VAPB: variants seen among roughly 807,000 people sequenced by gnomAD.
VAPB encodes the protein VAMP associated protein B and C, also known as vesicle-associated membrane protein-associated protein B/C.
VAPB carries 7 observed loss-of-function variants against 25.6 expected under a neutral mutation model. The ratio of observed to expected loss-of-function variants is 0.27; its 90% CI spans 0.16 to 0.51. The LOEUF (loss-of-function observed/expected upper bound fraction) is 0.51, where lower values mean the gene tolerates loss of function less well. Among genes scored for constraint, VAPB ranks in the 20% least tolerant of loss-of-function variants. VAPB has a pLI of 0.97. For missense variants in VAPB, 266 were observed against 301.3 expected, an observed-to-expected ratio of 0.88 and a Z score of 0.87; for synonymous variants, 112 against 109.2, an observed-to-expected ratio of 1.03 and a Z score of -0.16.
chr20:58,436,809 C>G (rs1252465458), intron 3 of VAPB, among the ~76,000 whole-genome samples: 1 of 152,004 alleles, frequency 6.6e-6, no homozygotes, highest in Non-Finnish European at 1.5e-5. Context: ...TGACACTTCA[C>G]CCCTAAATGC....
rs1394754757 is a variant in VAPB, at chr20:58,449,351, CATG to C, written c.*5118_*5120del. 4.4e-6 allele frequency: 2 copies of C among 452,594 alleles called. No homozygotes were observed. The highest frequency in any genetic ancestry group is 8.8e-6 in the Non-Finnish European group (2 of 226,490). The allele number at this position is 452,594 out of a possible 1,614,324, so 28.0% of individuals were successfully genotyped here. On this transcript the variant is annotated 3_prime_UTR_variant, in exon 6 of 6. Coordinates refer to ENST00000475243, the MANE Select transcript of VAPB (RefSeq NM_004738.5). ...GAGATATTTTGAAAAATTTAAAAGA[CATG>C]AACTCACATAAACAGTTATGGATGA... is the stretch of plus-strand genomic sequence containing the variant.
chr20:58,429,068 A>G (rs187941823), intron 2 of VAPB, among the ~76,000 whole-genome samples: 37 of 152,322 alleles, frequency 2.4e-4, no homozygotes, highest in Non-Finnish European at 4.3e-4. Context: ...GTAGGCGTGT[A>G]AATGCGAAGA....
At chr20:58,394,066 CT>C (rs1230569186) in intron 1 of VAPB, among the ~76,000 whole-genome samples, 1 of 152,194 alleles carries the variant, frequency 6.6e-6, no homozygotes, top group African/African-American at 2.4e-5. Flanking sequence ...GATGCATTTA[CT>C]TTTGCTTTAT....
chr20:58,389,833 G>A (rs1987745339), intron 1 of VAPB, among the ~76,000 whole-genome samples: 1 of 152,174 alleles, frequency 6.6e-6, no homozygotes, highest in East Asian at 1.9e-4. Context: ...GTGAGCCTCC[G>A]CCGCTGCCTT....
Position 58,450,530 on chromosome 20 carries a change from T to C in VAPB, c.*6295T>C, listed in dbSNP as rs1275570396. ...TCCTTTTTAAAGACGATTTATCAAC[T>C]GCTGCCATTTGGAACTTCCTATAAG... On this transcript the variant is annotated 3_prime_UTR_variant, in exon 6 of 6. Coordinates refer to ENST00000475243, the MANE Select transcript of VAPB (RefSeq NM_004738.5). 2.2e-6 allele frequency: 1 copy of C among 453,258 alleles called. No individual in the cohort carries two copies. The highest frequency in any genetic ancestry group is 4.4e-6 in the Non-Finnish European group (1 of 226,650). The allele number at this position is 453,258 out of a possible 1,614,324, so 28.1% of individuals were successfully genotyped here. A position where few individuals can be genotyped will look rare whatever the true frequency, so the allele number is the denominator to read the frequency against.
chr20:58,444,956 A>C lies in VAPB; in HGVS notation c.*721A>C. On this transcript the variant is annotated 3_prime_UTR_variant, in exon 6 of 6. Coordinates refer to ENST00000475243, the MANE Select transcript of VAPB (RefSeq NM_004738.5). ...TGTTTAATGCATATTTAACTTATTT[A>C]ATGTATTTCATCTCATGTTTTCTTA... The C allele has an allele frequency of 2.2e-6, 1 of 454,648 alleles. No homozygotes were observed. The highest frequency in any genetic ancestry group is 4.4e-6 in the Non-Finnish European group (1 of 226,798). The allele number at this position is 454,648 out of a possible 1,614,324, so 28.2% of individuals were successfully genotyped here.
In VAPB at chr20:58,445,520, A is replaced by G. The variant is rs1220071159; in HGVS notation, c.*1285A>G. The G allele has an allele frequency of 2.2e-6, 1 of 454,474 alleles. No homozygotes were observed. Among genetic ancestry groups the G allele is most frequent in the East Asian group, 6.9e-5 (1 of 14,398 alleles). 28.2% of individuals were successfully genotyped at this position (454,474 alleles called of 1,614,324 possible). A position where few individuals can be genotyped will look rare whatever the true frequency, so the allele number is the denominator to read the frequency against. On this transcript the variant is annotated 3_prime_UTR_variant, in exon 6 of 6. Coordinates refer to ENST00000475243, the MANE Select transcript of VAPB (RefSeq NM_004738.5). ...TGTTTGACTATGTAGCATCTTGAAAAGAAAAATTATAATAAAGCCCCAAAA... is the reference window on the plus strand; with the variant it reads ...TGTTTGACTATGTAGCATCTTGAAAGGAAAAATTATAATAAAGCCCCAAAA...
intron 3 of VAPB, among the ~76,000 whole-genome samples, chr20:58,437,434 T>C (rs1285243362): frequency 6.6e-6 from 1 of 152,244 alleles, no homozygotes; most frequent in Non-Finnish European, 1.5e-5. Context: ...CCGCTGTTGG[T>C]GATGCTGTTT....
chr20:58,444,079 A>T lies in VAPB; in HGVS notation c.576A>T (p.Glu192Asp), dbSNP rs1344290136. ...RLREENKQFK[E>D]EDGLRMRKTV... Reference sequence around the variant, plus strand: ...GAAATGTGCGTTTGCTCCCGTAGGAAGAAGATGGACTGCGGATGAGGAAGA... The same window carrying T: ...GAAATGTGCGTTTGCTCCCGTAGGATGAAGATGGACTGCGGATGAGGAAGA... Residue 192 changes from glutamate (E) to aspartate (D), a missense_variant and splice_region_variant, in exon 6 of 6, where the codon GAA becomes GAT. Glu to Asp is a conservative substitution (Grantham distance 45). This residue lies in a region of VAPB where 136 missense variants were observed against 130.7 expected (regional missense o/e 1.04). Transcript: ENST00000475243. 6.2e-7 allele frequency: 1 copy of T among 1,614,218 alleles called. No homozygotes were observed. Among genetic ancestry groups the T allele is most frequent in the South Asian group, 1.1e-5 (1 of 91,088 alleles).
intron 2 of VAPB, among the ~76,000 whole-genome samples, chr20:58,419,279 C>T (rs568622105): frequency 6.6e-6 from 1 of 152,160 alleles, no homozygotes; most frequent in Non-Finnish European, 1.5e-5. Context: ...AATGATTCAC[C>T]TCTTTGGAAA....
At chr20:58,408,263 C>T (rs1244852761) in intron 1 of VAPB, among the ~76,000 whole-genome samples, 3 of 152,092 alleles carry the variant, frequency 2.0e-5, no homozygotes, top group Admixed American at 6.6e-5. Context: ...CCCGAGGATA[C>T]CAGGAGAATA....
Position 58,449,043 on chromosome 20 carries a change from C to T in VAPB, c.*4808C>T. 2.2e-6 allele frequency: 1 copy of T among 454,124 alleles called. No homozygotes were observed. The highest frequency in any genetic ancestry group is 4.4e-6 in the Non-Finnish European group (1 of 226,800). 28.1% of individuals were successfully genotyped at this position (454,124 alleles called of 1,614,324 possible). On this transcript the variant is annotated 3_prime_UTR_variant, in exon 6 of 6. Transcript: ENST00000475243. ...TGTCTCAGGCCTTTCCCTGAATTAG[C>T]ACTGCGGTTCTCCAGGATATCAGCA...
At position 58,446,909 on chromosome 20, in the gene VAPB, GA is replaced by G. The variant is rs998823824; in HGVS notation, c.*2681del. On this transcript the variant is annotated 3_prime_UTR_variant, in exon 6 of 6. Coordinates refer to ENST00000475243, the MANE Select transcript of VAPB (RefSeq NM_004738.5). ...GGTGTTTTCCCTAGAATTACATAAT[GA>G]AAAAAAGAATAAGGCAAAGAGGAGG... is the stretch of plus-strand genomic sequence containing the variant. 2.2e-6 allele frequency: 1 copy of G among 454,076 alleles called. No homozygotes were observed. Among genetic ancestry groups the G allele is most frequent in the Non-Finnish European group, 4.4e-6 (1 of 226,766 alleles). 28.1% of individuals were successfully genotyped at this position (454,076 alleles called of 1,614,324 possible). A position where few individuals can be genotyped will look rare whatever the true frequency, so the allele number is the denominator to read the frequency against.
rs535411789 is a variant in VAPB at position 58,391,438 on chromosome 20, C to T, written c.58+1921C>T. Among the ~76,000 whole-genome samples the T allele has an allele frequency of 2.0e-5, 3 of 151,986 alleles. No homozygotes were observed. In the East Asian group the frequency reaches 5.8e-4, roughly 29 times the overall value. On this transcript the variant is annotated intron_variant, in intron 1 of 5. Coordinates refer to ENST00000475243, the MANE Select transcript of VAPB (RefSeq NM_004738.5). ...TATAAAGGTCGAGTAGAAGAAGGCT[C>T]AAAGAAGGAAAGGGTGGGGAACATT... is the stretch of plus-strand genomic sequence containing the variant.
intron 1 of VAPB, among the ~76,000 whole-genome samples, chr20:58,411,601 C>T (rs1600787240): frequency 6.6e-6 from 1 of 152,190 alleles, no homozygotes; most frequent in Admixed American, 6.5e-5. Flanking sequence ...TATTTGCTTT[C>T]TGTACGTTTT....
chr20:58,415,896 A>G (rs1988528977), intron 1 of VAPB, among the ~76,000 whole-genome samples: 1 of 152,230 alleles, frequency 6.6e-6, no homozygotes, highest in Admixed American at 6.5e-5. Flanking sequence ...ATAATTACTC[A>G]AATAGAATAT....
intron 3 of VAPB, among the ~76,000 whole-genome samples, chr20:58,437,809 A>G (rs1336022873): frequency 6.6e-6 from 1 of 152,192 alleles, no homozygotes; most frequent in Non-Finnish European, 1.5e-5. Context: ...TGGATCTGCC[A>G]TAATTTTTGT....
At chr20:58,398,762 G>A (rs1988023889) in intron 1 of VAPB, among the ~76,000 whole-genome samples, 1 of 151,998 alleles carries the variant, frequency 6.6e-6, no homozygotes, top group Admixed American at 6.6e-5. Context: ...AGTGGGTACA[G>A]TTATGATCCT....
At chr20:58,433,975 G>A (rs769601976) in intron 2 of VAPB, among the ~76,000 whole-genome samples, 1 of 152,168 alleles carries the variant, frequency 6.6e-6, no homozygotes, top group Non-Finnish European at 1.5e-5. Context: ...CCTCCATGCA[G>A]TGGGTGTGAC....
Sources: gnomAD v4.1 joint callset for allele counts (sites outside exome capture counted in the v4.1 genomes callset) on GRCh38, gnomAD v4.1.1 for gene constraint, gnomAD v4.1.1 regional missense constraint, MANE v1.5 for transcripts, NCBI Gene and HGNC (gene_info 2026-07-23, HGNC 2026-07-21) for gene names.